MRPL54: variants seen among roughly 807,000 people sequenced by gnomAD.
The protein encoded by MRPL54 is large ribosomal subunit protein mL54.
Under a neutral mutation model 15.6 loss-of-function variants are expected in MRPL54, and 12 were observed. The ratio of observed to expected loss-of-function variants is 0.77; its 90% CI spans 0.49 to 1.24. MRPL54 has a LOEUF of 1.24. MRPL54 is among the 50% of genes most tolerant of loss of function. MRPL54 has a pLI of 0.00. For synonymous variants in MRPL54, 91 were observed against 75.7 expected, an observed-to-expected ratio of 1.20 and a Z score of -1.05; for missense variants, 178 against 186.8, an observed-to-expected ratio of 0.95 and a Z score of 0.28.
In MRPL54 at chr19:3,765,195, G is replaced by A. The variant is rs1430547461; in HGVS notation, c.148G>A (p.Ala50Thr). ...VMKGAKSGKG[A>T]VTSEALKDPD... ...GAAGGGGGCCAAATCGGGAAAAGGT[G>A]CAGTGACCAGCGAGGCCCTCAAGGA... is the stretch of plus-strand genomic sequence containing the variant. Residue 50 changes from alanine to threonine, a missense_variant, in exon 2 of 3, where the codon GCA (alanine) becomes ACA (threonine). Transcript: ENST00000330133. The A allele has an allele frequency of 9.9e-6, 16 of 1,613,280 alleles. No homozygotes were observed. Among genetic ancestry groups the A allele is most frequent in the Non-Finnish European group, 1.3e-5 (15 of 1,179,746 alleles).
Position 3,762,782 on chromosome 19 carries a change from G to A in MRPL54, c.82G>A (p.Gly28Arg), listed in dbSNP as rs1452685729. Reference sequence around the variant, plus strand: ...GGAGCTCCTAAACCCCGCCACTTCCGGAAGACTCCTGGCCCGGGATTATGC... The same window carrying A: ...GGAGCTCCTAAACCCCGCCACTTCCAGAAGACTCCTGGCCCGGGATTATGC... ...AWELLNPATS[G>R]RLLARDYAKK... is the part of the protein sequence containing the mutation. Residue 28 changes from glycine to arginine, a missense_variant, in exon 1 of 3, where the codon GGA becomes AGA. By Grantham distance (125) the Gly-to-Arg change is moderately radical (BLOSUM62 -2). Coordinates refer to ENST00000330133, the MANE Select transcript of MRPL54 (RefSeq NM_172251.3). 1.7e-5 allele frequency: 27 copies of A among 1,605,728 alleles called. No homozygotes were observed. Among genetic ancestry groups the A allele is most frequent in the Non-Finnish European group, 2.3e-5 (27 of 1,176,212 alleles).
At position 3,765,257 on chromosome 19, in the gene MRPL54, A is replaced by C. The variant is rs771514862; in HGVS notation, c.210A>C (p.Thr70=). 6.2e-7 allele frequency: 1 copy of C among 1,613,906 alleles called. No individual in the cohort carries two copies. Among genetic ancestry groups the C allele is most frequent in the Non-Finnish European group, 8.5e-7 (1 of 1,179,972 alleles). ...DVCTDPVQLT[T]YAMGVNIYKE... ...GCACAGATCCTGTCCAGCTCACCACATATGCCATGGGCGTCAACATCTACA... is the reference window on the plus strand; with the variant it reads ...GCACAGATCCTGTCCAGCTCACCACCTATGCCATGGGCGTCAACATCTACA... Residue 70 remains threonine, a synonymous_variant, in exon 2 of 3, where the codon ACA becomes ACC. Coordinates refer to ENST00000330133, the MANE Select transcript of MRPL54 (RefSeq NM_172251.3).
chr19:3,766,555 T>C (rs1381281455), intron 2 of MRPL54, among the ~76,000 whole-genome samples: 1 of 152,180 alleles, frequency 6.6e-6, no homozygotes, highest in Non-Finnish European at 1.5e-5. Flanking sequence ...CAGGCCCTGC[T>C]CTAGGCTTGA....
chr19:3,767,173 C>T, intron 2 of MRPL54, 88 bp from the exon 3 acceptor site: 1 of 1,492,204 alleles, frequency 6.7e-7, no homozygotes, highest in Middle Eastern at 2.4e-4. Flanking sequence ...GCACCCAGCC[C>T]CGTCGCCGCC....
chr19:3,763,386 C>G (rs1399209104), intron 1 of MRPL54, among the ~76,000 whole-genome samples: 1 of 152,170 alleles, frequency 6.6e-6, no homozygotes, highest in Non-Finnish European at 1.5e-5. Flanking sequence ...CAAAATATAA[C>G]TTGAATGACT....
Position 3,767,434 on chromosome 19 carries a change from T to G in MRPL54, c.*41T>G. ...ATCGCTGACCCCCACGCCGAGGGCT[T>G]GCCGTTTTCCCGGAGGACGTGGACT... On this transcript the variant is annotated 3_prime_UTR_variant, in exon 3 of 3. Transcript: ENST00000330133. 6.3e-7 allele frequency: 1 copy of G among 1,594,208 alleles called. No individual in the cohort carries two copies. Among genetic ancestry groups the G allele is most frequent in the Non-Finnish European group, 8.5e-7 (1 of 1,174,264 alleles).
At chr19:3,763,135 T>G (rs1409438106) in intron 1 of MRPL54, among the ~76,000 whole-genome samples, 1 of 152,050 alleles carries the variant, frequency 6.6e-6, no homozygotes, top group Admixed American at 6.6e-5. Context: ...TTGAAGGGAG[T>G]CTGGGGAGGT....
chr19:3,762,893 G>A, intron 1 of MRPL54, 75 bp downstream of exon 1: 1 of 1,255,902 alleles, frequency 8.0e-7, no homozygotes, highest in South Asian at 1.4e-5. Context: ...GCGGTGGTTG[G>A]GGAGGTGGTG....
At chr19:3,764,077 T>G (rs972191213) in intron 1 of MRPL54, among the ~76,000 whole-genome samples, 13 of 151,514 alleles carry the variant, frequency 8.6e-5, no homozygotes, top group Non-Finnish European at 1.3e-4. Flanking sequence ...TGGGCTTTTA[T>G]TTTTTATTTT....
At chr19:3,766,019 C>T (rs2037195275) in intron 2 of MRPL54, among the ~76,000 whole-genome samples, 1 of 151,182 alleles carries the variant, frequency 6.6e-6, no homozygotes, top group African/African-American at 2.4e-5. Context: ...TCAAGCGGTT[C>T]TCCTGCCTCA....
In MRPL54 at chr19:3,765,269, C is replaced by G. The variant is rs34107656; in HGVS notation, c.222C>G (p.Gly74=). 1 of 1,613,826 alleles carries G rather than the reference C, an allele frequency of 6.2e-7. No individual in the cohort carries two copies. The highest frequency in any genetic ancestry group is 2.2e-5 in the East Asian group (1 of 44,862). Residue 74 remains glycine, a synonymous_variant, in exon 2 of 3, where the codon GGC becomes GGG. Transcript: ENST00000330133. ...DPVQLTTYAM[G]VNIYKEGQDV... ...TCCAGCTCACCACATATGCCATGGG[C>G]GTCAACATCTACAAGGAAGGGCAGG...
intron 1 of MRPL54, among the ~76,000 whole-genome samples, chr19:3,764,120 G>T (rs910206503): frequency 6.6e-6 from 1 of 151,348 alleles, no homozygotes; most frequent in South Asian, 2.1e-4. Flanking sequence ...TCGCTCTGTC[G>T]CCCAGGCTGG....
Position 3,767,300 on chromosome 19 carries a change from G to A in MRPL54, c.324G>A (p.Glu108=). 1.2e-6 allele frequency: 2 copies of A among 1,612,730 alleles called. No individual in the cohort carries two copies. The highest frequency in any genetic ancestry group is 1.7e-6 in the Non-Finnish European group (2 of 1,179,506). The change falls in exon 3 of 3, where the codon GAG becomes GAA. Residue 108 remains glutamate (E), a synonymous_variant. Transcript: ENST00000330133. ...ACTTGGGTCCCCCAAAGACCCTGGA[G>A]GAGCTGGACCCCGAGAGCCGGGAGT... ...EMNLGPPKTL[E]ELDPESREYW...
chr19:3,762,796 C>T lies in MRPL54; in HGVS notation c.96C>T (p.Ala32=). The T allele has an allele frequency of 6.3e-7, 1 of 1,592,314 alleles. No individual in the cohort carries two copies. Among genetic ancestry groups the T allele is most frequent in the Non-Finnish European group, 8.6e-7 (1 of 1,168,924 alleles). Residue 32 remains alanine, a synonymous_variant, in exon 1 of 3, where the codon GCC becomes GCT. Coordinates refer to ENST00000330133, the MANE Select transcript of MRPL54 (RefSeq NM_172251.3). Reference sequence around the variant, plus strand: ...CCGCCACTTCCGGAAGACTCCTGGCCCGGGATTATGCCAAGAAACCAGGTG... The same window carrying T: ...CCGCCACTTCCGGAAGACTCCTGGCTCGGGATTATGCCAAGAAACCAGGTG... ...LNPATSGRLL[A]RDYAKKPVMK... is the part of the protein sequence containing the mutation.
intron 1 of MRPL54, among the ~76,000 whole-genome samples, chr19:3,763,929 A>G (rs2037174885): frequency 6.6e-6 from 1 of 150,526 alleles, no homozygotes; most frequent in African/African-American, 2.4e-5. Context: ...ATAAATAAAT[A>G]AATAAAAATA....
intron 1 of MRPL54, among the ~76,000 whole-genome samples, chr19:3,763,405 C>T (rs1489681248): frequency 1.3e-5 from 2 of 152,116 alleles, no homozygotes; most frequent in African/African-American, 4.8e-5. Flanking sequence ...CTTGGTCATT[C>T]CAAGCATCGG....
intron 2 of MRPL54, among the ~76,000 whole-genome samples, chr19:3,766,826 T>TGTGCTGGAGGAACAGCGG (rs1262721196): frequency 1.3e-5 from 2 of 152,112 alleles, no homozygotes; most frequent in Non-Finnish European, 2.9e-5. Flanking sequence ...GGACCGCACC[T>TGTGCTGGAGGAACAGCGG]GGTGTGCTGG....
intron 1 of MRPL54, among the ~76,000 whole-genome samples, chr19:3,764,721 C>A (rs1471786863): frequency 1.3e-5 from 2 of 151,284 alleles, no homozygotes; most frequent in Non-Finnish European, 3.0e-5. Context: ...TGGCTGAGAC[C>A]CTGTCTTTAA....
In MRPL54 at chr19:3,762,791, C is replaced by T. The variant is rs2037162671; in HGVS notation, c.91C>T (p.Leu31=). The T allele has an allele frequency of 1.3e-6, 2 of 1,596,598 alleles. No individual in the cohort carries two copies. The highest frequency in any genetic ancestry group is 4.6e-5 in the East Asian group (2 of 43,626). The change falls in exon 1 of 3, where the codon CTG becomes TTG. Residue 31 remains leucine, a synonymous_variant. Transcript: ENST00000330133. Reference sequence around the variant, plus strand: ...AAACCCCGCCACTTCCGGAAGACTCCTGGCCCGGGATTATGCCAAGAAACC... The same window carrying T: ...AAACCCCGCCACTTCCGGAAGACTCTTGGCCCGGGATTATGCCAAGAAACC... ...LLNPATSGRL[L]ARDYAKKPVM... is the part of the protein sequence containing the mutation.
Sources: gnomAD v4.1 joint callset for allele counts (sites outside exome capture counted in the v4.1 genomes callset) on GRCh38, gnomAD v4.1.1 for gene constraint, MANE v1.5 for transcripts, NCBI Gene and HGNC (gene_info 2026-07-23, HGNC 2026-07-21) for gene names.